Variants in SASH1 observed in about 807,000 individuals in gnomAD.
SASH1 encodes SAM and SH3 domain-containing protein 1.
A neutral mutation model predicts 125.2 loss-of-function variants in SASH1; 44 were observed. That is an observed-to-expected ratio of 0.35 (90% CI 0.28 to 0.45). SASH1 has a LOEUF of 0.45. Among genes scored for constraint, SASH1 ranks in the 20% least tolerant of loss-of-function variants. SASH1 has a pLI of 1.00. For synonymous variants in SASH1, 639 were observed against 649.1 expected (o/e 0.98, Z 0.24); for missense variants, 1,426 against 1,614.5 (o/e 0.88, Z 2.00).
chr6:148,456,221 G>A (rs1166630999), intron 4 of SASH1, among the ~76,000 whole-genome samples: 1 of 152,076 alleles, frequency 6.6e-6, no homozygotes, highest in Admixed American at 6.5e-5. Context: ...GTAAGGGCCA[G>A]CCCCCTGCTG....
At chr6:148,439,464 C>A (rs978614680) in intron 2 of SASH1, among the ~76,000 whole-genome samples, 2 of 152,186 alleles carry the variant, frequency 1.3e-5, no homozygotes, top group African/African-American at 2.4e-5. Context: ...ATTAAGTGCT[C>A]TGAATACATT....
intron 4 of SASH1, among the ~76,000 whole-genome samples, chr6:148,448,840 C>T (rs1484089121): frequency 6.6e-6 from 1 of 152,084 alleles, no homozygotes; most frequent in Non-Finnish European, 1.5e-5. Context: ...TTCCTCTTGA[C>T]CCTTCTCTAA....
intron 2 of SASH1, among the ~76,000 whole-genome samples, chr6:148,434,265 T>C (rs542720389): frequency 1.4e-4 from 21 of 151,996 alleles, no homozygotes; most frequent in Non-Finnish European, 2.8e-4. Flanking sequence ...TTAGTAGAGA[T>C]GGGGTTTCAC....
At chr6:148,477,859 G>C (rs1778439052) in intron 7 of SASH1, among the ~76,000 whole-genome samples, 1 of 151,854 alleles carries the variant, frequency 6.6e-6, no homozygotes, top group Non-Finnish European at 1.5e-5. Flanking sequence ...ACCATGCCTG[G>C]CTAATTTTTG....
intron 1 of SASH1, among the ~76,000 whole-genome samples, chr6:148,298,818 G>A (rs1176922694): frequency 6.9e-6 from 1 of 143,934 alleles, no homozygotes. Context: ...AAAAAAGAGA[G>A]GGAGGGAAGA....
intron 2 of SASH1, among the ~76,000 whole-genome samples, chr6:148,391,098 CCACTAAAGA>C (rs897571188): frequency 1.3e-5 from 2 of 151,922 alleles, no homozygotes; most frequent in Non-Finnish European, 2.9e-5. Flanking sequence ...AACTAGCCCA[CCACTAAAGA>C]CACTCTTTTT....
In SASH1 at chr6:148,475,961, A is replaced by T. The variant is rs556888848; in HGVS notation, c.627+1739A>T. 5.9e-5 allele frequency among the ~76,000 whole-genome samples: 9 copies of T among 152,318 alleles called. No homozygotes were observed. In the South Asian group the frequency reaches 1.7e-3, roughly 28 times the overall value. On this transcript the variant is annotated intron_variant, in intron 7 of 19. Transcript: ENST00000367467. ...CTATAATAAAAGTTATGTGACAAAG[A>T]TGTCCATTTTCACTACTGTTATTCC...
chr6:148,252,294 G>A, the SASH1 span, among the ~76,000 whole-genome samples: 3 of 152,008 alleles, frequency 2.0e-5, no homozygotes, highest in Non-Finnish European at 2.9e-5. Flanking sequence ...TTAGATAATC[G>A]AAAATAACAT....
At chr6:148,216,235 G>A in the SASH1 span, among the ~76,000 whole-genome samples, 1 of 152,080 alleles carries the variant, frequency 6.6e-6, no homozygotes, top group Admixed American at 6.6e-5. Flanking sequence ...ATGACATGAA[G>A]GAATTTATAG....
chr6:148,506,049 G>A (rs1314781091), intron 8 of SASH1, among the ~76,000 whole-genome samples: 3 of 151,820 alleles, frequency 2.0e-5, no homozygotes, highest in East Asian at 2.0e-4. Flanking sequence ...GATTACAGGC[G>A]TGAGCCACCA....
At chr6:148,228,714 T>G in the SASH1 span, among the ~76,000 whole-genome samples, 85 of 152,224 alleles carry the variant, frequency 5.6e-4, 2 homozygotes, top group South Asian at 4.1e-4. Context: ...TTTAGCTCTT[T>G]TTCTCCATAA....
chr6:148,360,459 C>T (rs765991037), intron 1 of SASH1, among the ~76,000 whole-genome samples: 3 of 151,096 alleles, frequency 2.0e-5, no homozygotes, highest in Non-Finnish European at 4.4e-5. Context: ...GCGATTCTCT[C>T]GCCTCAGTCT....
intron 19 of SASH1, among the ~76,000 whole-genome samples, chr6:148,547,602 A>G (rs1293233646): frequency 6.6e-6 from 1 of 152,202 alleles, no homozygotes; most frequent in East Asian, 1.9e-4. Flanking sequence ...AATGAAGAAC[A>G]TCCTTGTTAA....
the SASH1 span, among the ~76,000 whole-genome samples, chr6:148,220,228 G>A: frequency 4.6e-5 from 7 of 152,250 alleles, no homozygotes; most frequent in East Asian, 1.9e-4. Context: ...TGAGGGCCCC[G>A]TCTCTGCTTC....
Position 148,548,243 on chromosome 6 carries a change from T to C in SASH1, c.3481-52T>C, listed in dbSNP as rs937521347. On this transcript the variant is annotated intron_variant, in intron 19 of 19. Transcript: ENST00000367467. Reference sequence around the variant, plus strand: ...TTCCTTTTAGACATACGCGAAGTAGTCCTCGATGACACATGGAGCGTTTCT... The same window carrying C: ...TTCCTTTTAGACATACGCGAAGTAGCCCTCGATGACACATGGAGCGTTTCT... 12 of 1,525,334 alleles carry C rather than the reference T, an allele frequency of 7.9e-6. No homozygotes were observed. In the South Asian group the frequency reaches 1.0e-4, roughly 13 times the overall value. The allele number at this position is 1,525,334 out of a possible 1,614,324, so 94.5% of individuals were successfully genotyped here.
intron 5 of SASH1, among the ~76,000 whole-genome samples, chr6:148,470,046 GAAAA>G (rs1778027215): frequency 6.7e-6 from 1 of 150,252 alleles, no homozygotes; most frequent in Non-Finnish European, 1.5e-5. Flanking sequence ...AAAAAAGAAA[GAAAA>G]AGAAAGAAAA....
intron 4 of SASH1, among the ~76,000 whole-genome samples, chr6:148,450,394 A>G (rs1414083399): frequency 6.6e-6 from 1 of 151,958 alleles, no homozygotes; most frequent in African/African-American, 2.4e-5. Flanking sequence ...TTCCAGCCCA[A>G]CTGGATATTA....
intron 2 of SASH1, among the ~76,000 whole-genome samples, chr6:148,430,737 G>T (rs1355932582): frequency 6.6e-6 from 1 of 152,216 alleles, no homozygotes. Flanking sequence ...GATTCAGGAG[G>T]TCTGGGATGG....
intron 16 of SASH1, among the ~76,000 whole-genome samples, chr6:148,538,554 T>C: frequency 6.6e-6 from 1 of 152,206 alleles, no homozygotes; most frequent in East Asian, 1.9e-4. Context: ...AGTTAATTTT[T>C]CATTAGTCAC....
Sources: gnomAD v4.1 joint callset for allele counts (sites outside exome capture counted in the v4.1 genomes callset) on GRCh38, gnomAD v4.1.1 for gene constraint, MANE v1.5 for transcripts, NCBI Gene and HGNC (gene_info 2026-07-23, HGNC 2026-07-21) for gene names.